The following CLSTN2 variants were observed in gnomAD, a reference collection of about 807,000 sequenced individuals.
The protein encoded by CLSTN2 is calsyntenin 2.
In CLSTN2, 48 loss-of-function variants were observed where a neutral mutation model predicts 101.2. The observed-to-expected ratio is 0.47, with a 90% CI of 0.38 to 0.60. CLSTN2 has a LOEUF of 0.60. Among genes scored for constraint, CLSTN2 ranks in the 20% least tolerant of loss-of-function variants. The probability of loss-of-function intolerance (pLI) is 0.00; values close to 1 mark genes in which losing one functional copy is unlikely to be tolerated. For synonymous variants in CLSTN2, 481 were observed against 463.6 expected (o/e 1.04, Z -0.48); for missense variants, 1,160 against 1,238.2 (o/e 0.94, Z 0.95).
At position 140,330,042 on chromosome 3, in the gene CLSTN2, C is replaced by G. The variant is rs374359111; in HGVS notation, c.233-73587C>G. Among the ~76,000 whole-genome samples, 26 of 152,276 alleles carry G rather than the reference C, an allele frequency of 1.7e-4. 1 individual carries two copies. The South Asian group carries it at 5.4e-3, about 32-fold the overall frequency. On this transcript the variant is annotated intron_variant, in intron 2 of 16. Coordinates refer to ENST00000458420, the MANE Select transcript of CLSTN2 (RefSeq NM_022131.3). Reference sequence around the variant, plus strand: ...CCTTCCTAGGGTTCTATGATGCTGGCTGCTTCAGGGGAATTAATGGCAGAG... The same window carrying G: ...CCTTCCTAGGGTTCTATGATGCTGGGTGCTTCAGGGGAATTAATGGCAGAG...
intron 2 of CLSTN2, among the ~76,000 whole-genome samples, chr3:140,354,498 T>A (rs1437090389): frequency 6.6e-6 from 1 of 152,160 alleles, no homozygotes; most frequent in Non-Finnish European, 1.5e-5. Context: ...CATTGACAAA[T>A]TTCCTAGAGC....
chr3:140,558,732 G>A lies in CLSTN2; in HGVS notation c.1916G>A (p.Gly639Asp). 1.9e-6 allele frequency: 3 copies of A among 1,614,072 alleles called. No homozygotes were observed. Among genetic ancestry groups the A allele is most frequent in the Non-Finnish European group, 2.5e-6 (3 of 1,180,004 alleles). The change falls in exon 12 of 17, where the codon GGC (glycine) becomes GAC (aspartate). Residue 639 changes from glycine to aspartate, a missense_variant. Gly to Asp is a moderately conservative substitution (Grantham distance 94, BLOSUM62 -1). Coordinates refer to ENST00000458420, the MANE Select transcript of CLSTN2 (RefSeq NM_022131.3). ...QAIEPRITLR[G>D]TDHFWRPAAQ... The stretch of plus-strand genomic sequence containing the variant: ...ATCGAGCCCCGGATCACCCTCCGGG[G>A]CACAGACCACTTCTGGAGACCTGCT...
rs372667943 is a variant in CLSTN2 at position 140,232,040 on chromosome 3, G to T, written c.232+55967G>T. ...TGGGTCAGTGTGAGGATTCAACGAG[G>T]AAAAGTATTTAAAATATCTATAACA... is the stretch of plus-strand genomic sequence containing the variant. On this transcript the variant is annotated intron_variant, in intron 2 of 16. Transcript: ENST00000458420. Among the ~76,000 whole-genome samples the T allele has an allele frequency of 5.9e-4, 90 of 152,290 alleles. 1 individual carries two copies. The East Asian group carries it at 9.6e-3, about 16-fold the overall frequency.
At chr3:139,968,714 T>G (rs2107817886) in intron 1 of CLSTN2, among the ~76,000 whole-genome samples, 1 of 152,336 alleles carries the variant, frequency 6.6e-6, no homozygotes, top group Middle Eastern at 3.4e-3. Flanking sequence ...TTTGGTTAGT[T>G]TGGATTCTGA....
chr3:140,199,557 T>C (rs1005912896), intron 2 of CLSTN2, among the ~76,000 whole-genome samples: 3 of 152,218 alleles, frequency 2.0e-5, no homozygotes, highest in Admixed American at 2.0e-4. Context: ...GGGGTGCTTA[T>C]CAAACTAGGA....
intron 1 of CLSTN2, among the ~76,000 whole-genome samples, chr3:140,131,118 C>G (rs1358965813): frequency 5.9e-5 from 9 of 151,768 alleles, no homozygotes; most frequent in Admixed American, 5.9e-4. Context: ...CCACTTTGTC[C>G]CTCAAAACCT....
At chr3:140,140,949 CA>C (rs2009688850) in intron 1 of CLSTN2, among the ~76,000 whole-genome samples, 1 of 151,804 alleles carries the variant, frequency 6.6e-6, no homozygotes, top group Non-Finnish European at 1.5e-5. Flanking sequence ...TCAGGGAAGA[CA>C]AAAAAAATTC....
rs115682822 is a variant in CLSTN2 at position 140,014,653 on chromosome 3, C to T, written c.109+79170C>T. Among the ~76,000 whole-genome samples the T allele has an allele frequency of 9.6e-3, 1,462 of 152,168 alleles. 22 individuals are homozygous for T. Among genetic ancestry groups the T allele is most frequent in the African/African-American group, 0.034 (1,418 of 41,514 alleles). On this transcript the variant is annotated intron_variant, in intron 1 of 16. Transcript: ENST00000458420. ...AAACAGAAGAGCAAGTATAAAGGTC[C>T]ACAGTAGGGCCTGTGCCCAGCGTGT...
intron 1 of CLSTN2, among the ~76,000 whole-genome samples, chr3:140,050,071 A>G (rs1271873054): frequency 6.6e-6 from 1 of 152,240 alleles, no homozygotes; most frequent in Admixed American, 6.5e-5. Context: ...ATCTCAGAGT[A>G]TCAAGGATTA....
At chr3:140,547,086 C>A (rs186037254) in intron 10 of CLSTN2, among the ~76,000 whole-genome samples, 7 of 152,336 alleles carry the variant, frequency 4.6e-5, no homozygotes, top group Middle Eastern at 3.4e-3. Context: ...TTGTGAAATA[C>A]AAATTAAAAA....
chr3:140,367,511 C>CAAAA (rs34398474), intron 2 of CLSTN2, among the ~76,000 whole-genome samples: 2 of 96,822 alleles, frequency 2.1e-5, no homozygotes, highest in Non-Finnish European at 4.0e-5. Context: ...CACTTTGTCT[C>CAAAA]AAAAAAAAAA....
At chr3:140,545,807 A>G (rs1935572963) in intron 9 of CLSTN2, among the ~76,000 whole-genome samples, 1 of 152,248 alleles carries the variant, frequency 6.6e-6, no homozygotes, top group Non-Finnish European at 1.5e-5. Context: ...AGAGTATGAC[A>G]GTAAAAGAAA....
chr3:140,114,919 C>T (rs2009216282), intron 1 of CLSTN2, among the ~76,000 whole-genome samples: 1 of 152,184 alleles, frequency 6.6e-6, no homozygotes, highest in South Asian at 2.1e-4. Flanking sequence ...TGCTGGGACA[C>T]TCTCAGTGAC....
chr3:139,964,523 G>C (rs775172521), intron 1 of CLSTN2, among the ~76,000 whole-genome samples: 3 of 152,166 alleles, frequency 2.0e-5, no homozygotes, highest in Non-Finnish European at 4.4e-5. Context: ...GAAGGGGGAA[G>C]AGGGCCTTAG....
At chr3:140,446,817 G>A (rs1397985785) in intron 5 of CLSTN2, among the ~76,000 whole-genome samples, 6 of 152,150 alleles carry the variant, frequency 3.9e-5, no homozygotes, top group African/African-American at 9.7e-5. Context: ...TCAAGCTAAA[G>A]GAGCCCCTCT....
At chr3:140,364,897 G>A (rs1298744218) in intron 2 of CLSTN2, among the ~76,000 whole-genome samples, 2 of 152,216 alleles carry the variant, frequency 1.3e-5, no homozygotes, top group Non-Finnish European at 2.9e-5. Context: ...GAGAGAGACA[G>A]GTTCCTGTTC....
At chr3:139,994,337 G>A (rs897562652) in intron 1 of CLSTN2, among the ~76,000 whole-genome samples, 1 of 152,150 alleles carries the variant, frequency 6.6e-6, no homozygotes, top group Non-Finnish European at 1.5e-5. Flanking sequence ...CAAGCTTTTT[G>A]TCATAATTCC....
intron 1 of CLSTN2, among the ~76,000 whole-genome samples, chr3:139,950,159 T>G (rs969868976): frequency 2.6e-5 from 4 of 152,006 alleles, no homozygotes; most frequent in African/African-American, 9.7e-5. Context: ...GACAGAAAAT[T>G]TACTTTTTGC....
intron 2 of CLSTN2, among the ~76,000 whole-genome samples, chr3:140,373,881 G>A (rs970401171): frequency 4.6e-5 from 7 of 152,208 alleles, no homozygotes; most frequent in Admixed American, 4.6e-4. Flanking sequence ...ATTAACACCT[G>A]CCAGGACTTT....
Sources: gnomAD v4.1 joint callset for allele counts (sites outside exome capture counted in the v4.1 genomes callset) on GRCh38, gnomAD v4.1.1 for gene constraint, MANE v1.5 for transcripts, NCBI Gene and HGNC (gene_info 2026-07-23, HGNC 2026-07-21) for gene names.